DNAH3: variants seen among roughly 807,000 people sequenced by gnomAD.
The protein encoded by DNAH3 is dynein axonemal heavy chain 3.
Under a neutral mutation model 432.5 loss-of-function variants are expected in DNAH3, and 332 were observed. That is an observed-to-expected ratio of 0.77 (90% confidence interval 0.70 to 0.84). The LOEUF (loss-of-function observed/expected upper bound fraction) is 0.84, where lower values mean the gene tolerates loss of function less well. DNAH3 is among the 40% of genes least tolerant of loss of function. The pLI is 0.00. For missense variants in DNAH3, 4,861 were observed against 5,114.0 expected, an observed-to-expected ratio of 0.95 and a Z score of 1.51; for synonymous variants, 1,956 against 1,900.2, an observed-to-expected ratio of 1.03 and a Z score of -0.76.
intron 11 of DNAH3, among the ~76,000 whole-genome samples, chr16:21,119,265 T>C (rs1194713274): frequency 6.6e-6 from 1 of 152,158 alleles, no homozygotes; most frequent in Non-Finnish European, 1.5e-5. Flanking sequence ...GAGGATGAAA[T>C]ACCTCTTGCT....
In DNAH3 at chr16:21,000,164, G is replaced by C. The variant is rs375683494; in HGVS notation, c.6421+60C>G. The stretch of plus-strand genomic sequence containing the variant: ...AGTGGCACCACAAGCAGAAGCTATA[G>C]TTTGCTGCAGCTTATGGTGGAAGAA... On this transcript the variant is annotated intron_variant, in intron 43 of 61. Transcript: ENST00000261383. 4.5e-6 allele frequency: 7 copies of C among 1,552,350 alleles called. No individual in the cohort carries two copies. The Admixed American group carries it at 8.8e-5, about 20-fold the overall frequency.
Position 21,003,076 on chromosome 16 carries a change from G to A in DNAH3, c.6126+28C>T, listed in dbSNP as rs7197522. On this transcript the variant is annotated intron_variant, in intron 42 of 61. Transcript: ENST00000261383. ...TATTTGGATGATTCTGGAAACCAAA[G>A]TTCCATGGCCAATGATTCTCTTTAT... The A allele has an allele frequency of 2.5e-3, 3,687 of 1,451,440 alleles. 81 individuals carry two copies. The African/African-American group carries it at 0.038, about 15-fold the overall frequency. 89.9% of individuals were successfully genotyped at this position (1,451,440 alleles called of 1,614,324 possible).
chr16:21,057,964 T>C, intron 27 of DNAH3, 122 bp downstream of exon 27: 1 of 692,696 alleles, frequency 1.4e-6, no homozygotes. Context: ...CCCTGATGTC[T>C]GTGATGCTGA....
chr16:20,951,609 A>C (rs1224744195), intron 56 of DNAH3, among the ~76,000 whole-genome samples: 3 of 151,552 alleles, frequency 2.0e-5, no homozygotes, highest in African/African-American at 7.3e-5. Context: ...ACGCCTGGCT[A>C]ATTTTTGTAT....
At chr16:20,997,159 G>T in intron 44 of DNAH3, 124 bp downstream of exon 44, 1 of 855,128 alleles carries the variant, frequency 1.2e-6, no homozygotes, top group Non-Finnish European at 1.8e-6. Context: ...ACATGCTTCT[G>T]CTCCATGCTC....
rs1400101664 is a variant in DNAH3, at chr16:20,944,501, G to A, written c.11506C>T (p.Pro3836Ser). ...CCTTTCCCGAGCCCAGTTACCTGAG[G>A]GGACTTGCCACTTCCTCCTGACTGT... Residue 3836 changes from proline (P) to serine (S), a missense_variant, in exon 58 of 62, where the codon CCT (proline) becomes TCT (serine). Physicochemically the swap from Pro to Ser is moderately conservative, Grantham distance 74. Coordinates refer to ENST00000261383, the Ensembl canonical transcript of DNAH3. The A allele has an allele frequency of 2.5e-6, 4 of 1,613,948 alleles. No individual in the cohort carries two copies. In the Admixed American group the frequency reaches 5.0e-5, roughly 20 times the overall value.
intron 36 of DNAH3, among the ~76,000 whole-genome samples, chr16:21,033,024 G>C (rs867990777): frequency 8.9e-4 from 135 of 152,114 alleles, no homozygotes; most frequent in African/African-American, 3.1e-3. Context: ...TTGCAGTGCA[G>C]TGCGCAATCA....
intron 44 of DNAH3, among the ~76,000 whole-genome samples, chr16:20,993,540 CATTTT>C (rs1415842514): frequency 1.3e-5 from 2 of 152,166 alleles, no homozygotes; most frequent in African/African-American, 2.4e-5. Context: ...CCTCAACTCT[CATTTT>C]ATTTCCTTAA....
intron 24 of DNAH3, chr16:21,063,094 TG>T (rs1481268345): frequency 1.2e-5 from 2 of 168,564 alleles, no homozygotes; most frequent in Admixed American, 5.9e-5. Flanking sequence ...CTGGCATGTG[TG>T]GGTTTAATAG....
intron 27 of DNAH3, 102 bp from the exon 28 acceptor site, chr16:21,054,636 G>A (rs2090071763): frequency 3.7e-6 from 3 of 817,882 alleles, no homozygotes; most frequent in Admixed American, 2.2e-5. Context: ...GCTCAAGCCA[G>A]ACTCCTGGGT....
intron 7 of DNAH3, chr16:21,130,091 G>GAAAAAAAAAAAA (rs58706051): frequency 3.2e-4 from 25 of 79,088 alleles, no homozygotes; most frequent in East Asian, 7.2e-4. Flanking sequence ...CTAAATAAAT[G>GAAAAAAAAAAAA]AAAAAAAAAA....
chr16:20,951,166 T>G (rs1461931201), intron 56 of DNAH3, among the ~76,000 whole-genome samples: 1 of 152,128 alleles, frequency 6.6e-6, no homozygotes, highest in African/African-American at 2.4e-5. Flanking sequence ...CTTGTACATA[T>G]CGTGGACTAA....
intron 53 of DNAH3, 132 bp downstream of exon 53, chr16:20,963,152 C>G (rs1016535193): frequency 3.6e-6 from 3 of 839,472 alleles, no homozygotes; most frequent in Non-Finnish European, 5.5e-6. Context: ...TCCGTGGCTC[C>G]ACCTCAGCCT....
intron 53 of DNAH3, among the ~76,000 whole-genome samples, chr16:20,961,763 T>G (rs7498143): frequency 0.6 from 70,462 of 117,676 alleles, 18,803 homozygotes; most frequent in East Asian, 0.87. Flanking sequence ...TCTGGTTTTT[T>G]TTTTTTTTTT....
chr16:21,070,729 G>T, exon 22 of DNAH3: 1 of 1,609,926 alleles, frequency 6.2e-7, no homozygotes, highest in African/African-American at 1.3e-5. Context: ...TGCTTCTATT[G>T]GTTTGATGAA....
chr16:20,983,051 G>A (rs2085987567), intron 48 of DNAH3, 165 bp from the exon 49 acceptor site: 6 of 629,676 alleles, frequency 9.5e-6, no homozygotes, highest in Middle Eastern at 4.4e-4. Flanking sequence ...TGGGAAATGC[G>A]GGCTAATTAG....
At chr16:21,077,051 C>T (rs1328259199) in intron 20 of DNAH3, among the ~76,000 whole-genome samples, 1 of 152,182 alleles carries the variant, frequency 6.6e-6, no homozygotes, top group Non-Finnish European at 1.5e-5. Context: ...TTCCAAGTGT[C>T]CCTTAAGGGT....
chr16:20,966,647 T>C (rs1477350640), intron 52 of DNAH3, among the ~76,000 whole-genome samples: 1 of 152,236 alleles, frequency 6.6e-6, no homozygotes, highest in Non-Finnish European at 1.5e-5. Context: ...TATCAATAAA[T>C]ATGGGTTGAA....
exon 8 of DNAH3, chr16:21,127,726 T>C (rs766702640): frequency 3.1e-6 from 5 of 1,614,188 alleles, no homozygotes; most frequent in Admixed American, 1.7e-5. Flanking sequence ...GCAGTGTTTC[T>C]GGATCACATC....
Sources: gnomAD v4.1 joint callset for allele counts (sites outside exome capture counted in the v4.1 genomes callset) on GRCh38, gnomAD v4.1.1 for gene constraint, MANE v1.5 for transcripts, NCBI Gene and HGNC (gene_info 2026-07-23, HGNC 2026-07-21) for gene names.